Variants in HECW2 observed in about 807,000 individuals in gnomAD.
HECW2 encodes E3 ubiquitin-protein ligase HECW2.
HECW2 carries 61 observed loss-of-function variants against 175.2 expected under a neutral mutation model. That is an observed-to-expected ratio of 0.35 (90% CI 0.28 to 0.43). The LOEUF (loss-of-function observed/expected upper bound fraction) is 0.43, where lower values mean the gene tolerates loss of function less well. Among genes scored for constraint, HECW2 ranks in the 20% least tolerant of loss-of-function variants. The pLI, the probability that HECW2 is intolerant of heterozygous loss-of-function variation, is 1.00. For missense variants in HECW2, 1,524 were observed against 2,000.5 expected (o/e 0.76, Z 4.54); for synonymous variants, 671 against 731.0 (o/e 0.92, Z 1.32).
intron 1 of HECW2, among the ~76,000 whole-genome samples, chr2:196,457,059 TAG>T (rs1359888016): frequency 1.3e-5 from 2 of 152,178 alleles, no homozygotes; most frequent in Non-Finnish European, 2.9e-5. Flanking sequence ...GCCTAAGAAA[TAG>T]AAAGTATCTG....
chr2:196,499,431 C>T (rs1575608561), intron 1 of HECW2, among the ~76,000 whole-genome samples: 1 of 152,012 alleles, frequency 6.6e-6, no homozygotes, highest in South Asian at 2.1e-4. Context: ...CTTAAACATG[C>T]CTTGATAATA....
chr2:196,282,645 C>T (rs1422658957), intron 14 of HECW2, among the ~76,000 whole-genome samples: 1 of 152,174 alleles, frequency 6.6e-6, no homozygotes, highest in African/African-American at 2.4e-5. Flanking sequence ...AAAGGAATGT[C>T]TGGGTTATGA....
At chr2:196,220,749 C>T (rs770328500) in intron 25 of HECW2, 46 bp downstream of exon 25, 1 of 1,588,938 alleles carries the variant, frequency 6.3e-7, no homozygotes, top group Non-Finnish European at 8.6e-7. Flanking sequence ...ACTGTGGCAT[C>T]ATTGATATCA....
At chr2:196,575,757 G>GT (rs763318056) in intron 1 of HECW2, among the ~76,000 whole-genome samples, 3 of 152,280 alleles carry the variant, frequency 2.0e-5, no homozygotes, top group South Asian at 2.1e-4. Flanking sequence ...TTGGCTTCTG[G>GT]TGAGGTCTCA....
intron 2 of HECW2, among the ~76,000 whole-genome samples, chr2:196,398,130 G>A (rs1461372040): frequency 1.8e-4 from 1 of 5,502 alleles, no homozygotes; most frequent in Admixed American, 2.7e-3. Flanking sequence ...GGGTGGGTGG[G>A]GGAGTTAGGG....
At chr2:196,241,813 GA>G (rs1235320684) in intron 20 of HECW2, among the ~76,000 whole-genome samples, 1 of 152,120 alleles carries the variant, frequency 6.6e-6, no homozygotes, top group African/African-American at 2.4e-5. Context: ...ATACTTTTCA[GA>G]GGAAAAAAAT....
intron 4 of HECW2, among the ~76,000 whole-genome samples, chr2:196,333,475 C>T (rs1007790939): frequency 1.2e-4 from 18 of 152,274 alleles, no homozygotes; most frequent in African/African-American, 4.1e-4. Context: ...GACTACTTGC[C>T]TGTTTCCAAA....
At chr2:196,360,883 A>C (rs1274753830) in intron 2 of HECW2, among the ~76,000 whole-genome samples, 1 of 152,160 alleles carries the variant, frequency 6.6e-6, no homozygotes, top group Admixed American at 6.5e-5. Context: ...CTTTTCACTA[A>C]ACTGTGCTCA....
intron 1 of HECW2, among the ~76,000 whole-genome samples, chr2:196,519,240 AC>A (rs1688258031): frequency 6.6e-6 from 1 of 151,786 alleles, no homozygotes; most frequent in Non-Finnish European, 1.5e-5. Flanking sequence ...TAGGACTGAA[AC>A]TCCCCATTTC....
At chr2:196,402,963 T>C (rs1235133672) in intron 2 of HECW2, among the ~76,000 whole-genome samples, 1 of 152,142 alleles carries the variant, frequency 6.6e-6, no homozygotes, top group Non-Finnish European at 1.5e-5. Flanking sequence ...CGCACTACCA[T>C]GCTTGGCTAA....
At chr2:196,437,086 G>A (rs1021799023) in intron 1 of HECW2, among the ~76,000 whole-genome samples, 1 of 152,058 alleles carries the variant, frequency 6.6e-6, no homozygotes, top group African/African-American at 2.4e-5. Flanking sequence ...AACTGAGAAA[G>A]ATTTGTGAGG....
chr2:196,215,813 A>G (rs1206328456), intron 28 of HECW2, 52 bp downstream of exon 28: 11 of 1,269,388 alleles, frequency 8.7e-6, no homozygotes, highest in Non-Finnish European at 1.1e-5. Flanking sequence ...TACATAAATG[A>G]ATGTCTCCAC....
intron 17 of HECW2, among the ~76,000 whole-genome samples, chr2:196,262,040 G>T (rs1215925041): frequency 6.6e-6 from 1 of 152,112 alleles, no homozygotes; most frequent in Non-Finnish European, 1.5e-5. Context: ...ACAGTTAGAA[G>T]GAATCTGTGG....
chr2:196,362,722 C>T (rs988985547), intron 2 of HECW2, among the ~76,000 whole-genome samples: 1 of 152,196 alleles, frequency 6.6e-6, no homozygotes, highest in Admixed American at 6.5e-5. Flanking sequence ...CTAGCTAATG[C>T]TCTTGTCTTA....
At chr2:196,514,268 G>A (rs1315171162) in intron 1 of HECW2, among the ~76,000 whole-genome samples, 1 of 152,220 alleles carries the variant, frequency 6.6e-6, no homozygotes, top group Non-Finnish European at 1.5e-5. Context: ...AAGCACTTCG[G>A]AGGGCGCTGA....
chr2:196,473,309 T>G (rs369142559), intron 1 of HECW2, among the ~76,000 whole-genome samples: 4 of 152,358 alleles, frequency 2.6e-5, no homozygotes, highest in African/African-American at 9.6e-5. Context: ...TAAAATCCTT[T>G]CAATTTCTAG....
chr2:196,236,320 A>C (rs1688251353), intron 21 of HECW2, among the ~76,000 whole-genome samples: 1 of 152,210 alleles, frequency 6.6e-6, no homozygotes, highest in East Asian at 1.9e-4. Flanking sequence ...ATCTCCCCGA[A>C]TCCTGACTGC....
At chr2:196,322,139 A>C (rs1691965922) in intron 7 of HECW2, among the ~76,000 whole-genome samples, 1 of 152,208 alleles carries the variant, frequency 6.6e-6, no homozygotes, top group South Asian at 2.1e-4. Flanking sequence ...ATTTAGGATA[A>C]GGTAGGCATC....
chr2:196,571,620 A>C (rs1034727451), intron 1 of HECW2, among the ~76,000 whole-genome samples: 5 of 152,054 alleles, frequency 3.3e-5, no homozygotes, highest in Admixed American at 1.3e-4. Flanking sequence ...GAGGCACGAA[A>C]GGCATGGGAA....
Sources: gnomAD v4.1 joint callset for allele counts (sites outside exome capture counted in the v4.1 genomes callset) on GRCh38, gnomAD v4.1.1 for gene constraint, MANE v1.5 for transcripts, NCBI Gene and HGNC (gene_info 2026-07-23, HGNC 2026-07-21) for gene names.